The following PPM1H variants were observed in gnomAD, a reference collection of about 807,000 sequenced individuals.
PPM1H encodes the protein protein phosphatase, Mg2+/Mn2+ dependent 1H.
Under a neutral mutation model 54.9 loss-of-function variants are expected in PPM1H, and 27 were observed. The observed-to-expected ratio is 0.49, with a 90% CI of 0.36 to 0.68. PPM1H has a LOEUF of 0.68. Among genes scored for constraint, PPM1H ranks in the 30% least tolerant of loss-of-function variants. The pLI is 0.00. For synonymous variants in PPM1H, 305 were observed against 270.8 expected, an observed-to-expected ratio of 1.13 and a Z score of -1.24; for missense variants, 596 against 667.8, an observed-to-expected ratio of 0.89 and a Z score of 1.19.
intron 1 of PPM1H, among the ~76,000 whole-genome samples, chr12:62,867,731 C>G (rs931677002): frequency 7.8e-6 from 1 of 128,008 alleles, no homozygotes; most frequent in East Asian, 2.3e-4. Context: ...GTGCCTGCCA[C>G]CACACCTGGC....
intron 1 of PPM1H, among the ~76,000 whole-genome samples, chr12:62,885,200 C>T (rs965995799): frequency 2.0e-5 from 3 of 152,106 alleles, no homozygotes; most frequent in African/African-American, 7.2e-5. Context: ...TGGGTCCCTC[C>T]CACAACACAT....
intron 5 of PPM1H, among the ~76,000 whole-genome samples, chr12:62,732,175 C>A (rs920081782): frequency 2.6e-5 from 4 of 152,314 alleles, no homozygotes; most frequent in Middle Eastern, 3.4e-3. Context: ...TCATCACACA[C>A]CTGCCACATT....
chr12:62,699,342 G>A (rs374187441), intron 6 of PPM1H, among the ~76,000 whole-genome samples: 7 of 152,246 alleles, frequency 4.6e-5, no homozygotes, highest in Admixed American at 2.0e-4. Context: ...GATTACAGGC[G>A]TGCGCCACTA....
intron 1 of PPM1H, among the ~76,000 whole-genome samples, chr12:62,921,832 G>C (rs1871808814): frequency 6.6e-6 from 1 of 152,022 alleles, no homozygotes; most frequent in Non-Finnish European, 1.5e-5. Flanking sequence ...GTAAAACTTA[G>C]GTAAAAAAAT....
chr12:62,671,785 A>T (rs2075958282), intron 8 of PPM1H, among the ~76,000 whole-genome samples: 4 of 152,146 alleles, frequency 2.6e-5, no homozygotes, highest in Admixed American at 2.0e-4. Flanking sequence ...GGTGGTGAAG[A>T]AGGGAGGGCT....
rs1389863595 is a variant in PPM1H at position 62,781,393 on chromosome 12, T to C, written c.869+6833A>G. ...AGGGGAGACACGGGTTCCAGGAGCT[T>C]GCCCTGCGTGTGGTGTCCGGCTGCT... On this transcript the variant is annotated intron_variant, in intron 4 of 9. Coordinates refer to ENST00000228705, the MANE Select transcript of PPM1H (RefSeq NM_020700.2). 2.0e-5 allele frequency among the ~76,000 whole-genome samples: 3 copies of C among 152,322 alleles called. No individual in the cohort carries two copies. In the East Asian group the frequency reaches 5.8e-4, roughly 29 times the overall value.
At chr12:62,714,458 A>G (rs1224862631) in intron 6 of PPM1H, among the ~76,000 whole-genome samples, 1 of 152,170 alleles carries the variant, frequency 6.6e-6, no homozygotes, top group Non-Finnish European at 1.5e-5. Flanking sequence ...GAATTATAAA[A>G]AGTTAGGGGC....
At chr12:62,656,699 C>T (rs2075845977) in intron 9 of PPM1H, among the ~76,000 whole-genome samples, 1 of 152,108 alleles carries the variant, frequency 6.6e-6, no homozygotes, top group African/African-American at 2.4e-5. Flanking sequence ...AAGGCAGGCT[C>T]CATCTGCTGA....
intron 1 of PPM1H, among the ~76,000 whole-genome samples, chr12:62,906,887 T>C (rs896014142): frequency 2.0e-5 from 3 of 152,250 alleles, no homozygotes; most frequent in South Asian, 2.1e-4. Flanking sequence ...CCTTCTGTTA[T>C]AGCTTTGAAA....
chr12:62,664,873 T>A (rs1381080002), intron 9 of PPM1H, among the ~76,000 whole-genome samples: 2 of 152,182 alleles, frequency 1.3e-5, no homozygotes, highest in Non-Finnish European at 2.9e-5. Context: ...TTTTGCTACA[T>A]CTAAAATTCC....
intron 6 of PPM1H, among the ~76,000 whole-genome samples, chr12:62,704,208 C>T (rs993696226): frequency 9.2e-5 from 14 of 152,040 alleles, no homozygotes; most frequent in African/African-American, 3.1e-4. Flanking sequence ...ACAGCAGGCT[C>T]AAGTCAGGGT....
chr12:62,921,918 A>G (rs1166990288), intron 1 of PPM1H, among the ~76,000 whole-genome samples: 1 of 152,230 alleles, frequency 6.6e-6, no homozygotes, highest in African/African-American at 2.4e-5. Flanking sequence ...AGAATTCCTA[A>G]GTACATTTCC....
At chr12:62,709,335 C>G (rs1395362340) in intron 6 of PPM1H, among the ~76,000 whole-genome samples, 1 of 152,174 alleles carries the variant, frequency 6.6e-6, no homozygotes, top group Non-Finnish European at 1.5e-5. Flanking sequence ...GGGTTAATGC[C>G]TGGCACAGCA....
At chr12:62,933,366 C>A (rs1462070633) in intron 1 of PPM1H, among the ~76,000 whole-genome samples, 1 of 152,096 alleles carries the variant, frequency 6.6e-6, no homozygotes, top group Non-Finnish European at 1.5e-5. Flanking sequence ...GGTATCCGGG[C>A]CACCAGAACA....
intron 1 of PPM1H, among the ~76,000 whole-genome samples, chr12:62,892,272 G>A (rs1255944270): frequency 6.6e-6 from 1 of 152,164 alleles, no homozygotes; most frequent in Non-Finnish European, 1.5e-5. Flanking sequence ...TTCAACAACA[G>A]TCCTGTGTAA....
In PPM1H at chr12:62,934,621, A is replaced by C. The variant is rs1872262889; in HGVS notation, c.116T>G (p.Phe39Cys). 1.9e-6 allele frequency: 3 copies of C among 1,590,236 alleles called. No homozygotes were observed. In the East Asian group the frequency reaches 6.9e-5, roughly 37 times the overall value. ...SCGGSDLPLR[F>C]PYGRPEFLGL... ...CAGGAACTCTGGCCGCCCGTAGGGG[A>C]AACGCAGGGGCAGGTCCGAGCCTCC... Residue 39 changes from phenylalanine to cysteine, a missense_variant, in exon 1 of 10, where the codon TTC (phenylalanine) becomes TGC (cysteine). Physicochemically the swap from Phe to Cys is radical, Grantham distance 205. This residue lies in a region of PPM1H where 382 missense variants were observed against 387.1 expected (regional missense o/e 0.99). Coordinates refer to ENST00000228705, the MANE Select transcript of PPM1H (RefSeq NM_020700.2). This position sits in a 1 kb window ranked among gnomAD's most constrained non-coding sequence, Gnocchi z 4.2.
intron 1 of PPM1H, among the ~76,000 whole-genome samples, chr12:62,923,287 A>C (rs1871860139): frequency 6.6e-6 from 1 of 152,282 alleles, no homozygotes; most frequent in South Asian, 2.1e-4. Context: ...ACACAGATAA[A>C]TGATAAAGCA....
chr12:62,708,540 C>A (rs1462405586), intron 6 of PPM1H, among the ~76,000 whole-genome samples: 2 of 151,748 alleles, frequency 1.3e-5, no homozygotes, highest in Non-Finnish European at 2.9e-5. Flanking sequence ...TGGTTGGACA[C>A]AGGAAAATGT....
rs372864784 is a variant in PPM1H, at chr12:62,683,926, GTC to G, written c.1245+5771_1245+5772del. Among the ~76,000 whole-genome samples, 388 of 152,346 alleles carry G rather than the reference GTC, an allele frequency of 2.5e-3. 2 individuals are homozygous for G. The highest frequency in any genetic ancestry group is 0.014 in the Middle Eastern group (4 of 294). ...TTGGGCTGCCAGCCTGTGCTGGGCT[GTC>G]TGAGTTACAGAACAGGAGATGTGTG... On this transcript the variant is annotated intron_variant, in intron 8 of 9. Transcript: ENST00000228705.
Sources: gnomAD v4.1 joint callset for allele counts (sites outside exome capture counted in the v4.1 genomes callset) on GRCh38, gnomAD v4.1.1 for gene constraint, gnomAD v4.1.1 regional missense constraint, Gnocchi (gnomAD v3.1) non-coding constraint, MANE v1.5 for transcripts, NCBI Gene and HGNC (gene_info 2026-07-23, HGNC 2026-07-21) for gene names.